The following ZNF655 variants were observed in gnomAD, a reference collection of about 807,000 sequenced individuals.
ZNF655 encodes Vav-interacting Kruppel-like protein 1.
ZNF655 carries 3 observed loss-of-function variants against 6.6 expected under a neutral mutation model. The observed-to-expected ratio is 0.46, with a 90% CI of 0.21 to 1.18. ZNF655 has a LOEUF of 1.18. Ranked by LOEUF, ZNF655 falls within the 50% of genes most tolerant of loss-of-function variation. The pLI is 0.24. For synonymous variants in ZNF655, 178 were observed against 195.0 expected, an observed-to-expected ratio of 0.91 and a Z score of 0.73; for missense variants, 526 against 572.3, an observed-to-expected ratio of 0.92 and a Z score of 0.83.
chr7:99,564,732 C>T (rs2151155817), intron 2 of ZNF655: 2 of 984,516 alleles, frequency 2.0e-6, no homozygotes, highest in East Asian at 2.3e-4. Context: ...AGTAAAGAAA[C>T]TTTGTAGCAG....
At chr7:99,565,376 A>G (rs1803542704) in intron 2 of ZNF655, among the ~76,000 whole-genome samples, 3 of 152,056 alleles carry the variant, frequency 2.0e-5, no homozygotes. Context: ...TTGCCATCTT[A>G]GCCAGGATGG....
At chr7:99,560,077 T>C (rs537170362) in intron 1 of ZNF655, among the ~76,000 whole-genome samples, 8 of 150,304 alleles carry the variant, frequency 5.3e-5, no homozygotes, top group Admixed American at 4.7e-4. Flanking sequence ...ATATTTCTTT[T>C]TCTTTTTTTT....
In ZNF655 at chr7:99,558,645, C is replaced by G. The variant is rs1424626794; in HGVS notation, c.-170C>G. On this transcript the variant is annotated 5_prime_UTR_variant, in exon 1 of 3. Coordinates refer to ENST00000252713, the MANE Select transcript of ZNF655 (RefSeq NM_138494.3). ...GGGCGGAGGAGGGGGGGCCCTCATT[C>G]GGGACCCTGCACTCCGTCGCCGGAA... 2 of 152,174 alleles carry G rather than the reference C, an allele frequency of 1.3e-5. No homozygotes were observed. Among genetic ancestry groups the G allele is most frequent in the Non-Finnish European group, 2.9e-5 (2 of 68,106 alleles). 9.4% of individuals were successfully genotyped at this position (152,174 alleles called of 1,614,324 possible).
chr7:99,573,829 A>C lies in ZNF655; in HGVS notation c.*245A>C. The C allele has an allele frequency of 2.2e-6, 1 of 457,216 alleles. No homozygotes were observed. Among genetic ancestry groups the C allele is most frequent in the Non-Finnish European group, 3.8e-6 (1 of 264,522 alleles). The allele number at this position is 457,216 out of a possible 1,614,324, so 28.3% of individuals were successfully genotyped here. On this transcript the variant is annotated 3_prime_UTR_variant, in exon 3 of 3. Coordinates refer to ENST00000252713, the MANE Select transcript of ZNF655 (RefSeq NM_138494.3). ...TCTATACCAGTGAGAAATCTTACAA[A>C]TGTATTGAATGTGGCAAATTTTTCA...
Position 99,573,762 on chromosome 7 carries a change from A to AGAAAAG in ZNF655, c.*180_*185dup, listed in dbSNP as rs1252673472. On this transcript the variant is annotated 3_prime_UTR_variant, in exon 3 of 3. Transcript: ENST00000252713. ...GAAACCCTCTGAATGTGACGAATGA[A>AGAAAAG]GAAAAGGTATTAGTGTTAAACTCTT... is the stretch of plus-strand genomic sequence containing the variant. 4.3e-6 allele frequency: 3 copies of AGAAAAG among 703,422 alleles called. No homozygotes were observed. The African/African-American group carries it at 5.4e-5, about 13-fold the overall frequency. The allele number at this position is 703,422 out of a possible 1,614,324, so 43.6% of individuals were successfully genotyped here. A position where few individuals can be genotyped will look rare whatever the true frequency, so the allele number is the denominator to read the frequency against.
At chr7:99,568,343 C>T (rs1013306363) in intron 2 of ZNF655, among the ~76,000 whole-genome samples, 5 of 149,818 alleles carry the variant, frequency 3.3e-5, no homozygotes, top group East Asian at 4.1e-4. Flanking sequence ...CTCTGCCTCC[C>T]GGGTTCAAGC....
intron 2 of ZNF655, among the ~76,000 whole-genome samples, chr7:99,569,542 C>T (rs980097002): frequency 6.6e-6 from 1 of 152,030 alleles, no homozygotes; most frequent in Admixed American, 6.6e-5. Flanking sequence ...TAAGCATTAC[C>T]AGTTATTGTA....
intron 2 of ZNF655, chr7:99,564,310 T>C (rs1803461246): frequency 8.1e-7 from 1 of 1,235,230 alleles, no homozygotes; most frequent in Admixed American, 4.4e-5. Flanking sequence ...TATTTTAGAA[T>C]GTGAAACTTA....
rs201288718 is a variant in ZNF655 at position 99,573,068 on chromosome 7, A to G, written c.960A>G (p.Gln320=). 2.5e-6 allele frequency: 4 copies of G among 1,614,120 alleles called. No individual in the cohort carries two copies. Among genetic ancestry groups the G allele is most frequent in the Non-Finnish European group, 3.4e-6 (4 of 1,179,998 alleles). The change falls in exon 3 of 3, where the codon CAA becomes CAG. Residue 320 remains glutamine (Q), a synonymous_variant. Coordinates refer to ENST00000252713, the MANE Select transcript of ZNF655 (RefSeq NM_138494.3). ...TCAGTCGTAGTGTCCACCTTACTCA[A>G]CATCAGAAAATTCACAAAGAGATGC... The part of the protein sequence containing the change: ...RVFSRSVHLT[Q]HQKIHKEMPC...
chr7:99,567,953 G>A (rs1803757369), intron 2 of ZNF655, among the ~76,000 whole-genome samples: 1 of 151,506 alleles, frequency 6.6e-6, no homozygotes, highest in Non-Finnish European at 1.5e-5. Context: ...CAGCTACCCA[G>A]GAGGCTGAGG....
chr7:99,562,050 G>T, intron 2 of ZNF655: 1 of 1,304,490 alleles, frequency 7.7e-7, no homozygotes, highest in Non-Finnish European at 1.0e-6. Context: ...CATCCCATCT[G>T]TAGACCTTGC....
rs1484791238 is a variant in ZNF655 at position 99,573,260 on chromosome 7, A to G, written c.1152A>G (p.Glu384=). Residue 384 remains glutamate (E), a synonymous_variant, in exon 3 of 3, where the codon GAA becomes GAG. Transcript: ENST00000252713. ...HFREKPYTCS[E]CGKDFRLNSH... is the part of the protein sequence containing the mutation. ...GAGAAAAGCCCTATACGTGTAGTGAATGTGGAAAAGACTTCAGATTGAATT... is the reference window on the plus strand; with the variant it reads ...GAGAAAAGCCCTATACGTGTAGTGAGTGTGGAAAAGACTTCAGATTGAATT... 3 of 1,614,216 alleles carry G rather than the reference A, an allele frequency of 1.9e-6. No homozygotes were observed. In the East Asian group the frequency reaches 6.7e-5, roughly 36 times the overall value.
intron 2 of ZNF655, among the ~76,000 whole-genome samples, chr7:99,567,163 AC>A (rs1448468213): frequency 6.6e-6 from 1 of 152,194 alleles, no homozygotes; most frequent in Non-Finnish European, 1.5e-5. Context: ...CATGTGTTCC[AC>A]ATCCAGCCTT....
At chr7:99,563,681 C>G (rs1309074668) in intron 2 of ZNF655, among the ~76,000 whole-genome samples, 2 of 151,948 alleles carry the variant, frequency 1.3e-5, no homozygotes, top group Non-Finnish European at 2.9e-5. Flanking sequence ...AATACTGAAT[C>G]ATGCATTTTC....
chr7:99,569,834 C>T (rs1236519984), intron 2 of ZNF655, among the ~76,000 whole-genome samples: 1 of 152,062 alleles, frequency 6.6e-6, no homozygotes, highest in Non-Finnish European at 1.5e-5. Context: ...TGGGGGCGTA[C>T]AAGTGGTTTT....
At chr7:99,564,373 C>T in intron 2 of ZNF655, 1 of 1,081,406 alleles carries the variant, frequency 9.2e-7, no homozygotes, top group South Asian at 3.3e-5. Flanking sequence ...CGTATGGTGC[C>T]TAACTCTCCT....
At position 99,571,739 on chromosome 7, in the gene ZNF655, A is replaced by G. The variant is rs751941505; in HGVS notation, c.137-506A>G. On this transcript the variant is annotated intron_variant, in intron 2 of 2. Coordinates refer to ENST00000252713, the MANE Select transcript of ZNF655 (RefSeq NM_138494.3). ...ATCTCCCAGCTGGAACAGGATCTAC[A>G]GGTCTTTGATCTGGAAACTAAGACT... 4.3e-6 allele frequency: 7 copies of G among 1,610,532 alleles called. No homozygotes were observed. The Admixed American group carries it at 8.4e-5, about 19-fold the overall frequency.
At chr7:99,564,031 G>C (rs200602414) in intron 2 of ZNF655, 8 of 1,608,304 alleles carry the variant, frequency 5.0e-6, no homozygotes, top group Non-Finnish European at 6.8e-6. Context: ...GCTCGTCCCT[G>C]CTCGGAAACT....
chr7:99,564,833 G>C (rs369444684), intron 2 of ZNF655: 1 of 400,834 alleles, frequency 2.5e-6, no homozygotes, highest in Non-Finnish European at 3.4e-6. Context: ...ACATGCAGTC[G>C]ACATGCATAC....
Sources: gnomAD v4.1 joint callset for allele counts (sites outside exome capture counted in the v4.1 genomes callset) on GRCh38, gnomAD v4.1.1 for gene constraint, MANE v1.5 for transcripts, NCBI Gene and HGNC (gene_info 2026-07-23, HGNC 2026-07-21) for gene names.